The following EIF5 variants were observed in gnomAD, a reference collection of about 807,000 sequenced individuals.
EIF5 encodes eukaryotic translation initiation factor 5.
A neutral mutation model predicts 48.3 loss-of-function variants in EIF5; 10 were observed. The observed-to-expected ratio is 0.21, with a 90% CI of 0.13 to 0.35. EIF5 has a LOEUF of 0.35. Ranked by LOEUF, EIF5 falls within the 10% of genes least tolerant of loss-of-function variation. The pLI is 1.00. For synonymous variants in EIF5, 237 were observed against 173.1 expected, an observed-to-expected ratio of 1.37 and a Z score of -2.90; for missense variants, 397 against 533.2, an observed-to-expected ratio of 0.74 and a Z score of 2.51.
intron 4 of EIF5, 63 bp from the exon 5 acceptor site, chr14:103,336,614 G>A: frequency 1.4e-6 from 2 of 1,400,252 alleles, no homozygotes; most frequent in Non-Finnish European, 1.9e-6. Flanking sequence ...TCGTACAAAT[G>A]TGAGTGAGTA....
In EIF5 at chr14:103,343,382, T is replaced by C. The variant is rs1202819327; in HGVS notation, c.*2330T>C. 1 of 152,240 alleles carries C rather than the reference T, an allele frequency of 6.6e-6. No individual in the cohort carries two copies. The highest frequency in any genetic ancestry group is 1.5e-5 in the Non-Finnish European group (1 of 68,048). The allele number at this position is 152,240 out of a possible 1,614,324, so 9.4% of individuals were successfully genotyped here. ...CTTGTCTGTGAACTGAGCATCTGCCTCAGTTTTATTACTTGAAATCTTGGC... is the reference window on the plus strand; with the variant it reads ...CTTGTCTGTGAACTGAGCATCTGCCCCAGTTTTATTACTTGAAATCTTGGC... On this transcript the variant is annotated 3_prime_UTR_variant, in exon 12 of 12. Coordinates refer to ENST00000216554, the MANE Select transcript of EIF5 (RefSeq NM_001969.5).
At chr14:103,337,265 A>G (rs2089297974) in intron 6 of EIF5, 38 bp downstream of exon 6, 1 of 1,531,166 alleles carries the variant, frequency 6.5e-7, no homozygotes, top group African/African-American at 1.4e-5. Context: ...ATCCTAAGAT[A>G]AGTTACTAAC....
At position 103,342,929 on chromosome 14, in the gene EIF5, A is replaced by G. The variant is rs1312142267; in HGVS notation, c.*1877A>G. 1 of 152,666 alleles carries G rather than the reference A, an allele frequency of 6.6e-6. No individual in the cohort carries two copies. The highest frequency in any genetic ancestry group is 1.5e-5 in the Non-Finnish European group (1 of 68,040). The allele number at this position is 152,666 out of a possible 1,614,324, so 9.5% of individuals were successfully genotyped here. A position where few individuals can be genotyped will look rare whatever the true frequency, so the allele number is the denominator to read the frequency against. ...CTCAGTGTCAAGCTAATGAGGTTCT[A>G]TTATAAAGGTTCTACTTTTAATCTG... On this transcript the variant is annotated 3_prime_UTR_variant, in exon 12 of 12. Coordinates refer to ENST00000216554, the MANE Select transcript of EIF5 (RefSeq NM_001969.5).
At chr14:103,337,774 C>T (rs945852588) in intron 6 of EIF5, 10 of 449,642 alleles carry the variant, frequency 2.2e-5, no homozygotes, top group African/African-American at 4.1e-5. Context: ...TAAAATTCTG[C>T]TGGAAACCCA....
At chr14:103,340,915 T>G (rs910265566) in intron 11 of EIF5, 48 bp from the exon 12 acceptor site, 4 of 1,573,960 alleles carry the variant, frequency 2.5e-6, no homozygotes, top group Non-Finnish European at 3.5e-6. Flanking sequence ...ATTTGTTTTA[T>G]AAACAGATTT....
chr14:103,338,474 T>C lies in EIF5; in HGVS notation c.585+2T>C. On this transcript the variant is annotated splice_donor_variant, in intron 7 of 11. Transcript: ENST00000216554. LOFTEE classifies it high-confidence loss of function. ...ATTAATCCTCCTCCACATACAATGG[T>C]GAGTGCAGGGTTGATGGCCTAGTGG... 6.4e-7 allele frequency: 1 copy of C among 1,564,110 alleles called. No homozygotes were observed. Among genetic ancestry groups the C allele is most frequent in the South Asian group, 1.2e-5 (1 of 86,466 alleles).
At position 103,344,767 on chromosome 14, in the gene EIF5, C is replaced by T. The variant is rs1000015216; in HGVS notation, c.*3715C>T. 3 of 152,114 alleles carry T rather than the reference C, an allele frequency of 2.0e-5. No homozygotes were observed. Among genetic ancestry groups the T allele is most frequent in the Non-Finnish European group, 4.4e-5 (3 of 68,018 alleles). 9.4% of individuals were successfully genotyped at this position (152,114 alleles called of 1,614,324 possible). The stretch of plus-strand genomic sequence containing the variant: ...ACAATTAACTAAAAAGCAGGGACAT[C>T]TGAAAGAGACGTATTAAGTTAACAT... On this transcript the variant is annotated 3_prime_UTR_variant, in exon 12 of 12. Transcript: ENST00000216554.
rs767090323 is a variant in EIF5 at position 103,340,946 on chromosome 14, A to G, written c.1207-17A>G. 12 of 1,611,010 alleles carry G rather than the reference A, an allele frequency of 7.4e-6. No homozygotes were observed. The East Asian group carries it at 2.5e-4, about 33-fold the overall frequency. On this transcript the variant is annotated splice_polypyrimidine_tract_variant and intron_variant, in intron 11 of 11. Transcript: ENST00000216554. ...GATTTATCAGCTTATGTTGAATAAA[A>G]TCATTCCTCTTAACAGGTGGTGTAT...
chr14:103,336,354 A>G (rs1338253228), intron 4 of EIF5, among the ~76,000 whole-genome samples: 4 of 152,180 alleles, frequency 2.6e-5, no homozygotes, highest in Non-Finnish European at 5.9e-5. Context: ...AGGCTGAGGC[A>G]AGCGGATCGC....
intron 6 of EIF5, chr14:103,337,566 C>A: frequency 3.2e-5 from 11 of 345,760 alleles, no homozygotes; most frequent in East Asian, 1.5e-4. Flanking sequence ...CGTGCCACTG[C>A]ACTCCAGCTT....
At chr14:103,340,281 C>G in intron 10 of EIF5, 146 bp from the exon 11 acceptor site, 1 of 812,882 alleles carries the variant, frequency 1.2e-6, no homozygotes, top group Non-Finnish European at 2.0e-6. Flanking sequence ...ACTGCTGAGA[C>G]TAACGTGTTC....
chr14:103,335,365 T>A (rs2089272641), intron 2 of EIF5: 1 of 158,000 alleles, frequency 6.3e-6, no homozygotes, highest in Non-Finnish European at 1.4e-5. Context: ...GCAAACCTGC[T>A]GATTGCCCTC....
At chr14:103,338,526 C>T (rs1386076763) in intron 7 of EIF5, 54 bp downstream of exon 7, 4 of 1,528,398 alleles carry the variant, frequency 2.6e-6, no homozygotes, top group African/African-American at 2.8e-5. Context: ...AAGTATATGG[C>T]ATTTGGTTGA....
intron 8 of EIF5, 29 bp downstream of exon 8, chr14:103,338,922 G>A (rs758298876): frequency 1.2e-6 from 2 of 1,607,320 alleles, no homozygotes; most frequent in Non-Finnish European, 1.7e-6. Context: ...CTGTAAATCA[G>A]CTTCAACCCA....
chr14:103,338,512 T>G (rs771225137), intron 7 of EIF5, 40 bp downstream of exon 7: 2 of 1,543,620 alleles, frequency 1.3e-6, no homozygotes, highest in Non-Finnish European at 1.7e-6. Flanking sequence ...ACTAAAGTTG[T>G]GTAAAGTATA....
rs1198542060 is a variant in EIF5, at chr14:103,335,824, CTCT to C, written c.-34_-32del. The C allele has an allele frequency of 3.8e-6, 6 of 1,593,000 alleles. No individual in the cohort carries two copies. The highest frequency in any genetic ancestry group is 3.4e-5 in the Admixed American group (2 of 59,478). ...ATACCAAAAAGTTGCAATCAAAGAT[CTCT>C]TCATCTTATTGATAAAGCCACTAAT... On this transcript the variant is annotated 5_prime_UTR_variant, in exon 3 of 12. Transcript: ENST00000216554.
chr14:103,340,923 T>G, intron 11 of EIF5, 40 bp from the exon 12 acceptor site: 1 of 1,586,192 alleles, frequency 6.3e-7, no homozygotes, highest in Non-Finnish European at 8.7e-7. Context: ...TATAAACAGA[T>G]TTATCAGCTT....
Position 103,336,117 on chromosome 14 carries a change from T to G in EIF5, c.154T>G (p.Tyr52Asp). 1 of 1,614,030 alleles carries G rather than the reference T, an allele frequency of 6.2e-7. No individual in the cohort carries two copies. The stretch of plus-strand genomic sequence containing the variant: ...AAAGGCGCTTAATCGGCCTCCAACG[T>G]GTAAGTAAAGCTTGGAAAAGTCCAC... ...VAKALNRPPT[Y>D]PTKYFGCELG... Residue 52 changes from tyrosine (Y) to aspartate (D), a missense_variant and splice_region_variant, in exon 4 of 12, where the codon TAT becomes GAT. Tyr to Asp is a radical substitution (Grantham distance 160, BLOSUM62 -3). Transcript: ENST00000216554.
At position 103,339,626 on chromosome 14, in the gene EIF5, T is replaced by TTA; in HGVS notation, c.907-13_907-12insTA. On this transcript the variant is annotated splice_polypyrimidine_tract_variant and intron_variant, in intron 9 of 11. Coordinates refer to ENST00000216554, the MANE Select transcript of EIF5 (RefSeq NM_001969.5). ...ATAAAAAAGATTGTTAACACCAAGG[T>TTA]GTCTATTTGCAGTTTTGTCACAACA... The TTA allele has an allele frequency of 6.2e-7, 1 of 1,614,026 alleles. No homozygotes were observed. The highest frequency in any genetic ancestry group is 8.5e-7 in the Non-Finnish European group (1 of 1,179,986).
Sources: allele counts gnomAD v4.1 joint callset (sites outside exome capture counted in the v4.1 genomes callset), GRCh38; gene constraint gnomAD v4.1.1; transcripts MANE v1.5; gene names NCBI Gene and HGNC (gene_info 2026-07-23, HGNC 2026-07-21).